Variants in AKAP13 observed in about 807,000 individuals in gnomAD.
The protein encoded by AKAP13 is A-kinase anchor protein 13.
Under a neutral mutation model 264.5 loss-of-function variants are expected in AKAP13, and 80 were observed. The ratio of observed to expected loss-of-function variants is 0.30; its 90% confidence interval spans 0.25 to 0.36. The LOEUF (loss-of-function observed/expected upper bound fraction) is 0.36, where lower values mean the gene tolerates loss of function less well. Among genes scored for constraint, AKAP13 ranks in the 10% least tolerant of loss-of-function variants. AKAP13 has a pLI of 1.00. For synonymous variants in AKAP13, 1,380 were observed against 1,250.2 expected (o/e 1.10, Z -2.19); for missense variants, 3,712 against 3,435.2 (o/e 1.08, Z -2.01).
At position 85,735,600 on chromosome 15, in the gene AKAP13, G is replaced by C. The variant is rs2088409054; in HGVS notation, c.7482G>C (p.Arg2494Ser). 5 of 1,613,402 alleles carry C rather than the reference G, an allele frequency of 3.1e-6. No individual in the cohort carries two copies. The highest frequency in any genetic ancestry group is 4.2e-6 in the Non-Finnish European group (5 of 1,179,802). Residue 2494 changes from arginine to serine, a missense_variant, in exon 32 of 37, where the codon AGG becomes AGC. Arg to Ser is a moderately radical substitution (Grantham distance 110). Around this residue, in one of 3 missense-constraint regions of AKAP13, gnomAD observed 611 missense variants for 539.3 expected, o/e 1.13. Coordinates refer to ENST00000394518, the MANE Select transcript of AKAP13 (RefSeq NM_007200.5). ...KEEGDDGQDL[R>S]RTESDSGLKK... ...AGGGAGATGATGGCCAAGATCTTAG[G>C]AGAACGGAATCAGATAGTGGCCTAA... is the stretch of plus-strand genomic sequence containing the variant.
chr15:85,710,227 A>G (rs1333121901), intron 18 of AKAP13, among the ~76,000 whole-genome samples: 1 of 152,210 alleles, frequency 6.6e-6, no homozygotes, highest in Non-Finnish European at 1.5e-5. Flanking sequence ...GAAGACGGAC[A>G]GTTACTATAA....
At chr15:85,409,486 T>G (rs2071837723) in intron 1 of AKAP13, among the ~76,000 whole-genome samples, 1 of 151,136 alleles carries the variant, frequency 6.6e-6, no homozygotes, top group African/African-American at 2.5e-5. Flanking sequence ...TCCATTACCC[T>G]TTTTTTAAAT....
chr15:85,528,929 G>A (rs768290279), intron 3 of AKAP13, among the ~76,000 whole-genome samples: 7 of 152,186 alleles, frequency 4.6e-5, no homozygotes, highest in Non-Finnish European at 8.8e-5. Context: ...TTTAAAAAAA[G>A]ATTGGGATTT....
intron 1 of AKAP13, among the ~76,000 whole-genome samples, chr15:85,471,147 A>G (rs2074945538): frequency 6.6e-6 from 1 of 152,218 alleles, no homozygotes; most frequent in Admixed American, 6.5e-5. Context: ...ACAAAGCATT[A>G]CAGCATTATA....
intron 10 of AKAP13, among the ~76,000 whole-genome samples, chr15:85,647,352 C>G (rs2082603777): frequency 6.6e-6 from 1 of 152,120 alleles, no homozygotes; most frequent in Non-Finnish European, 1.5e-5. Flanking sequence ...GAGCTGAGAT[C>G]ACACCACTGC....
In AKAP13 at chr15:85,643,832, G is replaced by T. The variant is rs144147541; in HGVS notation, c.4238-1986G>T. On this transcript the variant is annotated intron_variant, in intron 9 of 36. Coordinates refer to ENST00000394518, the MANE Select transcript of AKAP13 (RefSeq NM_007200.5). The stretch of plus-strand genomic sequence containing the variant: ...TCGGCAAGCTGTATGTATCTCAGAC[G>T]GTTTGACTGTCGTGACCCCATTACT... Among the ~76,000 whole-genome samples, 10 of 152,202 alleles carry T rather than the reference G, an allele frequency of 6.6e-5. No individual in the cohort carries two copies. In the South Asian group the frequency reaches 1.9e-3, roughly 29 times the overall value.
At chr15:85,713,211 C>T (rs528480990) in intron 19 of AKAP13, among the ~76,000 whole-genome samples, 1 of 152,144 alleles carries the variant, frequency 6.6e-6, no homozygotes, top group Non-Finnish European at 1.5e-5. Flanking sequence ...TTTCTTCCCC[C>T]CTATGCTGGC....
intron 8 of AKAP13, among the ~76,000 whole-genome samples, chr15:85,629,741 A>G (rs2081602870): frequency 6.8e-6 from 1 of 147,072 alleles, no homozygotes; most frequent in Non-Finnish European, 1.5e-5. Flanking sequence ...TGAATCTAGA[A>G]ATATAATGAG....
Position 85,580,451 on chromosome 15 carries a change from T to A in AKAP13, c.2383T>A (p.Ser795Thr), listed in dbSNP as rs2079126841. ...FSLANSPGSE[S>T]VTKDDALSFV... Reference sequence around the variant, plus strand: ...TCTGGCAAACAGTCCAGGCAGTGAATCAGTAACCAAGGATGACGCACTTTC... The same window carrying A: ...TCTGGCAAACAGTCCAGGCAGTGAAACAGTAACCAAGGATGACGCACTTTC... The change falls in exon 7 of 37, where the codon TCA (serine) becomes ACA (threonine). Residue 795 changes from serine to threonine, a missense_variant. Ser to Thr is a moderately conservative substitution (Grantham distance 58). Coordinates refer to ENST00000394518, the MANE Select transcript of AKAP13 (RefSeq NM_007200.5). 15 of 1,614,160 alleles carry A rather than the reference T, an allele frequency of 9.3e-6. No homozygotes were observed. The highest frequency in any genetic ancestry group is 1.2e-5 in the Non-Finnish European group (14 of 1,180,030).
chr15:85,695,047 C>CA (rs2085493123), intron 17 of AKAP13, among the ~76,000 whole-genome samples: 3 of 152,042 alleles, frequency 2.0e-5, no homozygotes, highest in Non-Finnish European at 4.4e-5. Flanking sequence ...CTGGCTCAGC[C>CA]AGCCTCCTGA....
chr15:85,467,650 C>T (rs2074796401), intron 1 of AKAP13, among the ~76,000 whole-genome samples: 1 of 152,140 alleles, frequency 6.6e-6, no homozygotes, highest in Non-Finnish European at 1.5e-5. Flanking sequence ...ATATCTGTTT[C>T]TCTTGGAACA....
chr15:85,451,582 C>G (rs1473005785), intron 1 of AKAP13, among the ~76,000 whole-genome samples: 1 of 152,206 alleles, frequency 6.6e-6, no homozygotes, highest in Admixed American at 6.5e-5. Flanking sequence ...AATGAAGTCT[C>G]TCGACATTTG....
At chr15:85,664,828 G>T in intron 13 of AKAP13, 73 bp downstream of exon 13, 1 of 1,379,174 alleles carries the variant, frequency 7.3e-7, no homozygotes, top group Non-Finnish European at 1.0e-6. Flanking sequence ...AAGGCTTCTG[G>T]TAGTATAAGG....
chr15:85,384,504 G>T (rs375979291), intron 1 of AKAP13, among the ~76,000 whole-genome samples: 4 of 152,182 alleles, frequency 2.6e-5, no homozygotes, highest in East Asian at 1.9e-4. Flanking sequence ...ATCACTTGAG[G>T]TCAGGAGTTC....
intron 12 of AKAP13, among the ~76,000 whole-genome samples, chr15:85,661,903 A>G (rs1253488213): frequency 1.6e-4 from 3 of 19,010 alleles, no homozygotes; most frequent in Non-Finnish European, 2.5e-4. Flanking sequence ...GAAACACATG[A>G]AAAAAAAAAA....
chr15:85,401,161 A>G (rs562900190), intron 1 of AKAP13, among the ~76,000 whole-genome samples: 3 of 152,100 alleles, frequency 2.0e-5, no homozygotes, highest in Non-Finnish European at 4.4e-5. Flanking sequence ...TGTGCCCGGC[A>G]TATTATATCA....
chr15:85,424,899 AT>A (rs1487020005), intron 1 of AKAP13, among the ~76,000 whole-genome samples: 1 of 152,184 alleles, frequency 6.6e-6, no homozygotes, highest in Non-Finnish European at 1.5e-5. Flanking sequence ...AGGGAGAGAG[AT>A]GGGGTAGCAG....
Position 85,688,953 on chromosome 15 carries a change from T to C in AKAP13, c.5289+4080T>C, listed in dbSNP as rs911392337. 2.0e-5 allele frequency among the ~76,000 whole-genome samples: 3 copies of C among 152,332 alleles called. No individual in the cohort carries two copies. The East Asian group carries it at 5.8e-4, about 29-fold the overall frequency. ...GTGTTACAGAGTATTTAAACACTCA[T>C]ATGCATGGTGTTCGAGTTCACAAAG... On this transcript the variant is annotated intron_variant, in intron 16 of 36. Transcript: ENST00000394518.
chr15:85,550,542 C>T (rs78803399), intron 5 of AKAP13, among the ~76,000 whole-genome samples: 2,825 of 152,260 alleles, frequency 0.019, 82 homozygotes, highest in African/African-American at 0.064. Flanking sequence ...CACAATGGAA[C>T]CAAGTGCTAT....
Sources: allele counts gnomAD v4.1 joint callset (sites outside exome capture counted in the v4.1 genomes callset), GRCh38; gene constraint gnomAD v4.1.1; regional missense constraint gnomAD v4.1.1; transcripts MANE v1.5; gene names NCBI Gene and HGNC (gene_info 2026-07-23, HGNC 2026-07-21).